Variants in USP15 observed in about 807,000 individuals in gnomAD.
USP15 encodes ubiquitin specific peptidase 15, also known as ubiquitin carboxyl-terminal hydrolase 15.
In USP15, 18 loss-of-function variants were observed where a neutral mutation model predicts 127.1. The observed-to-expected ratio is 0.14, with a 90% CI of 0.10 to 0.21. USP15 has a LOEUF of 0.21. Among genes scored for constraint, USP15 ranks in the 10% least tolerant of loss-of-function variants. The probability of loss-of-function intolerance (pLI) is 1.00; values close to 1 mark genes in which losing one functional copy is unlikely to be tolerated. For synonymous variants in USP15, 364 were observed against 393.7 expected, an observed-to-expected ratio of 0.92 and a Z score of 0.89; for missense variants, 805 against 1,159.9, an observed-to-expected ratio of 0.69 and a Z score of 4.44.
At chr12:62,341,571 C>G (rs1316859607) in intron 6 of USP15, among the ~76,000 whole-genome samples, 2 of 152,126 alleles carry the variant, frequency 1.3e-5, no homozygotes, top group African/African-American at 4.8e-5. Context: ...TAAGGGCTAC[C>G]TGGTGGTGAC....
chr12:62,313,632 A>G (rs957703460), intron 3 of USP15, among the ~76,000 whole-genome samples: 1 of 151,832 alleles, frequency 6.6e-6, no homozygotes, highest in Non-Finnish European at 1.5e-5. Context: ...ATTTGTAACC[A>G]TGAAGTAAAT....
intron 6 of USP15, chr12:62,336,828 C>T (rs1482276430): frequency 6.6e-6 from 1 of 152,278 alleles, no homozygotes; most frequent in African/African-American, 2.4e-5. Flanking sequence ...CAGCCTCACA[C>T]AGATACATAG....
Position 62,407,021 on chromosome 12 carries a change from G to A in USP15, c.*2646G>A, listed in dbSNP as rs1251269603. ...GGGTAATGGGAATATATCTAGACTAGAATTTCTACTTCTAGCTTTGCCACT... is the reference window on the plus strand; with the variant it reads ...GGGTAATGGGAATATATCTAGACTAAAATTTCTACTTCTAGCTTTGCCACT... On this transcript the variant is annotated 3_prime_UTR_variant, in exon 22 of 22. Transcript: ENST00000280377. 6.6e-6 allele frequency: 1 copy of A among 151,914 alleles called. No homozygotes were observed. The highest frequency in any genetic ancestry group is 2.1e-4 in the South Asian group (1 of 4,812). 9.4% of individuals were successfully genotyped at this position (151,914 alleles called of 1,614,324 possible).
chr12:62,374,848 G>A (rs2066774699), intron 8 of USP15, among the ~76,000 whole-genome samples: 3 of 152,050 alleles, frequency 2.0e-5, no homozygotes, highest in Admixed American at 1.3e-4. Context: ...GAAAAGTTAT[G>A]TGCAATGCAT....
At position 62,355,824 on chromosome 12, in the gene USP15, TC is replaced by T. The variant is rs1185553175; in HGVS notation, c.915+350del. ...GTAGAAGTCTGTTGCACTTTTTTTT[TC>T]TTTTTTTTTTTTTTTTGTCTTAATG... On this transcript the variant is annotated intron_variant, in intron 8 of 21. Coordinates refer to ENST00000280377, the MANE Select transcript of USP15 (RefSeq NM_001252078.2). 5.1e-3 allele frequency among the ~76,000 whole-genome samples: 627 copies of T among 123,740 alleles called. 6 individuals carry two copies. Among genetic ancestry groups the T allele is most frequent in the African/African-American group, 0.019 (583 of 30,694 alleles). 81.2% of individuals were successfully genotyped at this position (123,740 alleles called of 152,430 possible). A position where few individuals can be genotyped will look rare whatever the true frequency, so the allele number is the denominator to read the frequency against.
rs556645343 is a variant in USP15, at chr12:62,376,813, T to C, written c.916-4677T>C. Among the ~76,000 whole-genome samples, 12 of 152,258 alleles carry C rather than the reference T, an allele frequency of 7.9e-5. No homozygotes were observed. The South Asian group carries it at 2.5e-3, about 32-fold the overall frequency. On this transcript the variant is annotated intron_variant, in intron 8 of 21. Coordinates refer to ENST00000280377, the MANE Select transcript of USP15 (RefSeq NM_001252078.2). ...CAACACATATCCGATTTTTAGTCCATATTATAATGCATCACTCAGTAAAGT... is the reference window on the plus strand; with the variant it reads ...CAACACATATCCGATTTTTAGTCCACATTATAATGCATCACTCAGTAAAGT...
chr12:62,365,965 A>G (rs1208685300), intron 8 of USP15, among the ~76,000 whole-genome samples: 6 of 152,168 alleles, frequency 3.9e-5, no homozygotes, highest in Admixed American at 6.5e-5. Flanking sequence ...GCCTTGTAGT[A>G]TAGTTTCAAG....
chr12:62,270,557 G>A (rs777845243), intron 1 of USP15, among the ~76,000 whole-genome samples: 1 of 152,036 alleles, frequency 6.6e-6, no homozygotes, highest in Non-Finnish European at 1.5e-5. Context: ...CAGGGGAGGA[G>A]TTCAATTTCA....
chr12:62,402,931 G>T (rs2067741859), intron 21 of USP15, among the ~76,000 whole-genome samples: 1 of 152,022 alleles, frequency 6.6e-6, no homozygotes, highest in African/African-American at 2.4e-5. Flanking sequence ...CAAACAAGGG[G>T]AGAATGGATT....
chr12:62,295,141 C>A (rs1035626837), intron 2 of USP15, among the ~76,000 whole-genome samples: 1 of 152,146 alleles, frequency 6.6e-6, no homozygotes, highest in Non-Finnish European at 1.5e-5. Context: ...CTAGACCCCC[C>A]CCCATAGGGT....
intron 2 of USP15, among the ~76,000 whole-genome samples, chr12:62,301,862 C>G (rs866946918): frequency 9.2e-5 from 14 of 152,090 alleles, no homozygotes; most frequent in Admixed American, 9.2e-4. Context: ...TAACTTAGGA[C>G]AAGAAAAATC....
At chr12:62,280,907 A>G (rs1450245578) in intron 1 of USP15, among the ~76,000 whole-genome samples, 1 of 152,222 alleles carries the variant, frequency 6.6e-6, no homozygotes, top group Non-Finnish European at 1.5e-5. Context: ...TTCATCCTAC[A>G]TAGTTATAAC....
At chr12:62,302,967 G>A (rs746120001) in intron 3 of USP15, 47 bp downstream of exon 3, 9 of 1,558,780 alleles carry the variant, frequency 5.8e-6, no homozygotes, top group Non-Finnish European at 7.8e-6. Flanking sequence ...TTCTTGATTA[G>A]TTCACATTTT....
chr12:62,395,654 A>C (rs1487161834), intron 19 of USP15, among the ~76,000 whole-genome samples: 2 of 150,978 alleles, frequency 1.3e-5, no homozygotes, highest in East Asian at 3.9e-4. Context: ...CCTTCCCACC[A>C]CACTTGTCAT....
intron 4 of USP15, among the ~76,000 whole-genome samples, chr12:62,319,277 G>A (rs1181114295): frequency 2.0e-5 from 3 of 152,136 alleles, no homozygotes; most frequent in African/African-American, 7.2e-5. Context: ...GGGGAAATCT[G>A]CCCCCATGAT....
At chr12:62,319,606 A>G (rs2064927806) in intron 4 of USP15, among the ~76,000 whole-genome samples, 2 of 152,286 alleles carry the variant, frequency 1.3e-5, no homozygotes, top group Admixed American at 6.5e-5. Flanking sequence ...AGGCTATTCT[A>G]AAACATGCCA....
At position 62,383,950 on chromosome 12, in the gene USP15, G is replaced by GA; in HGVS notation, c.1206dup (p.Pro403ThrfsTer14). 1 of 1,612,494 alleles carries GA rather than the reference G, an allele frequency of 6.2e-7. No individual in the cohort carries two copies. The highest frequency in any genetic ancestry group is 8.5e-7 in the Non-Finnish European group (1 of 1,179,040). On this transcript the variant is annotated frameshift_variant, in exon 10 of 22. Coordinates refer to ENST00000280377, the MANE Select transcript of USP15 (RefSeq NM_001252078.2). LOFTEE classifies it high-confidence loss of function. ...TACATGAGGATTTGAATAGAATTAGGAAAAAACCATATATACAATTAAAAG... is the reference window on the plus strand; with the variant it reads ...TACATGAGGATTTGAATAGAATTAGGAAAAAAACCATATATACAATTAAAAG...
rs925289880 is a variant in USP15, at chr12:62,352,011, T to C, written c.770+2704T>C. Among the ~76,000 whole-genome samples the C allele has an allele frequency of 3.9e-5, 6 of 152,058 alleles. No homozygotes were observed. The South Asian group carries it at 1.2e-3, about 31-fold the overall frequency. The stretch of plus-strand genomic sequence containing the variant: ...CTTCAGATAGAAATAGCATAGTTTC[T>C]TTAAAAATATGTAAAATAGGTAATG... On this transcript the variant is annotated intron_variant, in intron 7 of 21. Coordinates refer to ENST00000280377, the MANE Select transcript of USP15 (RefSeq NM_001252078.2).
rs1461853793 is a variant in USP15, at chr12:62,407,841, A to T, written c.*3466A>T. On this transcript the variant is annotated 3_prime_UTR_variant, in exon 22 of 22. Coordinates refer to ENST00000280377, the MANE Select transcript of USP15 (RefSeq NM_001252078.2). ...ACTGTAACCTTGAACTCCTGGGTTA[A>T]AGTGATCCTCCTGCCTCAGCCTTAT... The T allele has an allele frequency of 6.6e-6, 1 of 152,198 alleles. No individual in the cohort carries two copies. Among genetic ancestry groups the T allele is most frequent in the Non-Finnish European group, 1.5e-5 (1 of 68,054 alleles). 9.4% of individuals were successfully genotyped at this position (152,198 alleles called of 1,614,324 possible).
Sources: allele counts gnomAD v4.1 joint callset (sites outside exome capture counted in the v4.1 genomes callset), GRCh38; gene constraint gnomAD v4.1.1; transcripts MANE v1.5; gene names NCBI Gene and HGNC (gene_info 2026-07-23, HGNC 2026-07-21).